DPYD: variants seen among roughly 807,000 people sequenced by gnomAD.
DPYD encodes the protein dihydropyrimidine dehydrogenase.
In DPYD, 109 loss-of-function variants were observed where a neutral mutation model predicts 116.2. The observed-to-expected ratio is 0.94, with a 90% CI of 0.80 to 1.10. The LOEUF is 1.10. Among genes scored for constraint, DPYD ranks in the 50% least tolerant of loss-of-function variants. DPYD has a pLI of 0.00. For missense variants in DPYD, 1,302 were observed against 1,254.5 expected (o/e 1.04, Z -0.57); for synonymous variants, 440 against 432.0 (o/e 1.02, Z -0.23).
Position 97,103,039 on chromosome 1 carries a change from C to T in DPYD, c.2623-4407G>A, listed in dbSNP as rs140824386. Among the ~76,000 whole-genome samples the T allele has an allele frequency of 1.6e-4, 25 of 152,102 alleles. No homozygotes were observed. In the East Asian group the frequency reaches 4.8e-3, roughly 29 times the overall value. On this transcript the variant is annotated intron_variant, in intron 20 of 22. Transcript: ENST00000370192. ...AGCAGTGTGGTATAATGGTTGAGAG[C>T]ATGGGTTCTCTGAGTCTGTTTCATT...
chr1:97,792,699 T>C lies in DPYD; in HGVS notation c.233+35415A>G, dbSNP rs146376225. Among the ~76,000 whole-genome samples, 157 of 152,236 alleles carry C rather than the reference T, an allele frequency of 1.0e-3. 1 individual carries two copies. Among genetic ancestry groups the C allele is most frequent in the African/African-American group, 3.2e-3 (134 of 41,542 alleles). On this transcript the variant is annotated intron_variant, in intron 3 of 22. Transcript: ENST00000370192. ...AGCCTCAATCACATCAAAACGCCCA[T>C]AAAATTTCATGAAAATAAGAGAATG...
chr1:97,346,293 T>G (rs1355317071), intron 16 of DPYD, among the ~76,000 whole-genome samples: 1 of 151,754 alleles, frequency 6.6e-6, no homozygotes, highest in Non-Finnish European at 1.5e-5. Flanking sequence ...CATTTGGTTG[T>G]TTCTAGTTTT....
intron 19 of DPYD, among the ~76,000 whole-genome samples, chr1:97,223,706 G>C (rs1660928079): frequency 6.6e-6 from 1 of 151,936 alleles, no homozygotes; most frequent in Non-Finnish European, 1.5e-5. Flanking sequence ...TCCCTAAATA[G>C]TTTTTCAACA....
chr1:97,684,123 T>C (rs1000189960), intron 7 of DPYD, among the ~76,000 whole-genome samples: 1 of 152,214 alleles, frequency 6.6e-6, no homozygotes, highest in Admixed American at 6.5e-5. Flanking sequence ...TTAGTTGTTA[T>C]GGTAGGGTGT....
intron 20 of DPYD, among the ~76,000 whole-genome samples, chr1:97,147,325 T>A (rs2101709308): frequency 6.6e-6 from 1 of 151,896 alleles, no homozygotes; most frequent in Admixed American, 6.6e-5. Context: ...TCCAGCCTGG[T>A]GACAGAGTGA....
chr1:97,263,354 A>T (rs1664017310), intron 18 of DPYD, among the ~76,000 whole-genome samples: 1 of 152,130 alleles, frequency 6.6e-6, no homozygotes, highest in Non-Finnish European at 1.5e-5. Flanking sequence ...GAGGTCTGAA[A>T]TACCATTTCC....
chr1:97,377,235 T>C (rs998213498), intron 15 of DPYD, among the ~76,000 whole-genome samples: 9 of 152,218 alleles, frequency 5.9e-5, no homozygotes, highest in African/African-American at 1.4e-4. Context: ...AGAAAGTTTA[T>C]TTTTTACAGT....
chr1:97,478,544 C>A (rs1009674546), intron 13 of DPYD, among the ~76,000 whole-genome samples: 2 of 152,150 alleles, frequency 1.3e-5, no homozygotes, highest in African/African-American at 4.8e-5. Context: ...CCTTGGCCTC[C>A]CAAAGTAATG....
intron 4 of DPYD, among the ~76,000 whole-genome samples, chr1:97,736,394 T>A (rs1663941504): frequency 6.6e-6 from 1 of 151,390 alleles, no homozygotes; most frequent in Non-Finnish European, 1.5e-5. Flanking sequence ...AAAATTAAGA[T>A]AGTCTGGCAA....
At chr1:97,270,378 T>C (rs1375336982) in intron 18 of DPYD, among the ~76,000 whole-genome samples, 1 of 152,238 alleles carries the variant, frequency 6.6e-6, no homozygotes, top group South Asian at 2.1e-4. Context: ...AACCAAGTGC[T>C]GATATTTCTC....
At chr1:97,853,001 G>A (rs1670645543) in intron 2 of DPYD, among the ~76,000 whole-genome samples, 1 of 152,120 alleles carries the variant, frequency 6.6e-6, no homozygotes, top group South Asian at 2.1e-4. Flanking sequence ...CTTCTAGGCA[G>A]AAGTCTCCCC....
intron 18 of DPYD, chr1:97,295,853 G>A (rs1477382511): frequency 3.0e-6 from 2 of 671,584 alleles, no homozygotes; most frequent in East Asian, 2.7e-4. Flanking sequence ...AAATATGTTA[G>A]TGGTTTTCTC....
intron 16 of DPYD, among the ~76,000 whole-genome samples, chr1:97,365,368 T>C (rs78413744): frequency 0.046 from 7,029 of 152,312 alleles, 219 homozygotes; most frequent in Middle Eastern, 0.11. Context: ...TCTGTGACAT[T>C]ACATTACCTG....
At chr1:97,164,442 G>T (rs1232124194) in intron 20 of DPYD, among the ~76,000 whole-genome samples, 4 of 152,120 alleles carry the variant, frequency 2.6e-5, no homozygotes, top group African/African-American at 9.7e-5. Flanking sequence ...TTAGGCAAGA[G>T]AAAGAAATAC....
At chr1:97,729,545 TTAAA>T (rs1445460501) in intron 4 of DPYD, among the ~76,000 whole-genome samples, 3 of 152,008 alleles carry the variant, frequency 2.0e-5, no homozygotes, top group African/African-American at 7.2e-5. Context: ...TAAATAAATA[TTAAA>T]TAAATATTCC....
chr1:97,316,541 T>TA (rs1476513134), intron 16 of DPYD, among the ~76,000 whole-genome samples: 1 of 150,214 alleles, frequency 6.7e-6, no homozygotes, highest in Non-Finnish European at 1.5e-5. Flanking sequence ...TAAAATAAAA[T>TA]AAAATAAAAT....
chr1:97,683,754 ATAAATTTAAAAAATGCAAATATGGCT>A (rs1660557785), intron 7 of DPYD, among the ~76,000 whole-genome samples: 1 of 152,098 alleles, frequency 6.6e-6, no homozygotes, highest in African/African-American at 2.4e-5. Context: ...AGTATGCTTG[ATAAATTTAAAAAATGCAAATATGGCT>A]AATAAAGTGA....
intron 5 of DPYD, among the ~76,000 whole-genome samples, chr1:97,711,091 T>C (rs901817416): frequency 6.6e-6 from 1 of 151,884 alleles, no homozygotes; most frequent in Non-Finnish European, 1.5e-5. Flanking sequence ...GGGAACTTAA[T>C]ATTTATATCT....
intron 16 of DPYD, among the ~76,000 whole-genome samples, chr1:97,340,998 C>T (rs1669561494): frequency 6.6e-6 from 1 of 152,096 alleles, no homozygotes; most frequent in African/African-American, 2.4e-5. Flanking sequence ...GATGACCTAC[C>T]TCACCCCTTT....
Sources: gnomAD v4.1 joint callset for allele counts (sites outside exome capture counted in the v4.1 genomes callset) on GRCh38, gnomAD v4.1.1 for gene constraint, MANE v1.5 for transcripts, NCBI Gene and HGNC (gene_info 2026-07-23, HGNC 2026-07-21) for gene names.